The following ARHGEF3 variants were observed in gnomAD, a reference collection of about 807,000 sequenced individuals.
The protein encoded by ARHGEF3 is Rho guanine nucleotide exchange factor 3, also known as 59.8 kDA protein.
ARHGEF3 carries 28 observed loss-of-function variants against 63.2 expected under a neutral mutation model. That is an observed-to-expected ratio of 0.44 (90% confidence interval 0.33 to 0.61). ARHGEF3 has a LOEUF of 0.61. Ranked by LOEUF, ARHGEF3 falls within the 20% of genes least tolerant of loss-of-function variation. ARHGEF3 has a pLI of 0.03. For missense variants in ARHGEF3, 533 were observed against 659.3 expected (o/e 0.81, Z 2.10); for synonymous variants, 266 against 254.2 (o/e 1.05, Z -0.44).
At chr3:57,069,322 T>C (rs1705746414) in intron 1 of ARHGEF3, among the ~76,000 whole-genome samples, 1 of 152,044 alleles carries the variant, frequency 6.6e-6, no homozygotes, top group Non-Finnish European at 1.5e-5. Context: ...TCATGCTTTT[T>C]TAAATTGCTT....
chr3:56,916,136 C>T (rs536646149), intron 3 of ARHGEF3, among the ~76,000 whole-genome samples: 2 of 152,258 alleles, frequency 1.3e-5, no homozygotes, highest in South Asian at 2.1e-4. Flanking sequence ...GAAAGTGAGG[C>T]GGGAATCTGG....
intron 3 of ARHGEF3, among the ~76,000 whole-genome samples, chr3:56,918,840 T>TA (rs1310017082): frequency 6.6e-6 from 1 of 152,248 alleles, no homozygotes; most frequent in Non-Finnish European, 1.5e-5. Flanking sequence ...TTTTACATTT[T>TA]AATAGTAACA....
At chr3:57,045,016 G>A (rs945081450) in intron 1 of ARHGEF3, among the ~76,000 whole-genome samples, 6 of 152,072 alleles carry the variant, frequency 3.9e-5, no homozygotes, top group Non-Finnish European at 5.9e-5. Context: ...CCTGTAATCC[G>A]AGCACTCTGG....
intron 4 of ARHGEF3, among the ~76,000 whole-genome samples, chr3:56,871,932 C>T (rs2040443554): frequency 6.6e-6 from 1 of 152,192 alleles, no homozygotes; most frequent in Non-Finnish European, 1.5e-5. Flanking sequence ...ACTGTCAACA[C>T]AGAAATCACT....
chr3:56,773,941 G>A (rs2036151239), intron 1 of ARHGEF3, 125 bp from the exon 2 acceptor site: 6 of 757,022 alleles, frequency 7.9e-6, no homozygotes, highest in South Asian at 3.8e-5. Context: ...GGAATATAAA[G>A]TGTCACGTCT....
chr3:57,066,303 T>C (rs1705533818), intron 1 of ARHGEF3, among the ~76,000 whole-genome samples: 1 of 151,818 alleles, frequency 6.6e-6, no homozygotes, highest in Admixed American at 6.6e-5. Flanking sequence ...AGTCTGACTC[T>C]GTCACCCAGG....
chr3:56,986,934 G>A (rs781506895), intron 2 of ARHGEF3, among the ~76,000 whole-genome samples: 5 of 152,124 alleles, frequency 3.3e-5, no homozygotes, highest in Admixed American at 6.5e-5. Context: ...TTTGGAGGCC[G>A]GGTGTGATGG....
At chr3:57,079,074 G>A (rs1478403229) in intron 1 of ARHGEF3, 2 of 314,972 alleles carry the variant, frequency 6.3e-6, no homozygotes, top group Non-Finnish European at 1.2e-5. Context: ...AGGTGGGAGT[G>A]GGGGTCCAGC....
chr3:57,041,098 C>T (rs1704169103), intron 1 of ARHGEF3, among the ~76,000 whole-genome samples: 1 of 151,700 alleles, frequency 6.6e-6, no homozygotes, highest in Non-Finnish European at 1.5e-5. Flanking sequence ...CTTATCTCCC[C>T]AAACAAACTG....
chr3:56,973,467 A>G (rs1701006107), intron 2 of ARHGEF3, among the ~76,000 whole-genome samples: 1 of 152,196 alleles, frequency 6.6e-6, no homozygotes, highest in South Asian at 2.1e-4. Context: ...AGATTTGGGG[A>G]CAAAAATCAA....
chr3:56,950,227 C>T (rs1699734197), intron 3 of ARHGEF3, among the ~76,000 whole-genome samples: 2 of 152,030 alleles, frequency 1.3e-5, no homozygotes, highest in Non-Finnish European at 2.9e-5. Context: ...TGGGCAAGGA[C>T]TTCATGTCTA....
intron 2 of ARHGEF3, among the ~76,000 whole-genome samples, chr3:56,989,296 T>G (rs1156994749): frequency 6.6e-6 from 1 of 152,174 alleles, no homozygotes; most frequent in Non-Finnish European, 1.5e-5. Flanking sequence ...GCTTGCGTTT[T>G]TTTTTTGCTG....
At chr3:56,947,246 C>T (rs1467607142) in intron 3 of ARHGEF3, among the ~76,000 whole-genome samples, 1 of 152,194 alleles carries the variant, frequency 6.6e-6, no homozygotes, top group East Asian at 1.9e-4. Flanking sequence ...CAGCTAACAT[C>T]ATGATGAGAG....
intron 1 of ARHGEF3, among the ~76,000 whole-genome samples, chr3:57,066,451 C>T (rs974417870): frequency 3.3e-5 from 5 of 152,060 alleles, no homozygotes; most frequent in East Asian, 3.9e-4. Context: ...TTAGTAGAGA[C>T]GGGGTTTCAC....
upstream of ARHGEF3, among the ~76,000 whole-genome samples, chr3:56,806,066 A>G (rs2037851821): frequency 6.6e-6 from 1 of 152,172 alleles, no homozygotes; most frequent in Admixed American, 6.5e-5. Context: ...TTCCATCAGT[A>G]TATAGGTTAA....
rs759626361 is a variant in ARHGEF3, at chr3:56,755,108, G to A, written c.248C>T (p.Ala83Val). The A allele has an allele frequency of 2.5e-6, 4 of 1,613,980 alleles. No homozygotes were observed. In the Admixed American group the frequency reaches 5.0e-5, roughly 20 times the overall value. ...GGCATTTCTGGACCAGGGTCGGGGG[G>A]CGAGGATGTCAGGGCGGCTCTCACT... The part of the protein sequence containing the change: ...FRSESRPDIL[A>V]PRPWSRNAAP... Residue 83 changes from alanine to valine, a missense_variant, in exon 3 of 10, where the codon GCC becomes GTC. This residue lies in a region of ARHGEF3 where 160 missense variants were observed against 157.3 expected (regional missense o/e 1.02). Transcript: ENST00000296315.
intron 2 of ARHGEF3, among the ~76,000 whole-genome samples, chr3:56,986,899 G>A (rs111588857): frequency 6.6e-5 from 10 of 152,096 alleles, no homozygotes; most frequent in African/African-American, 2.4e-4. Context: ...AATCCTTACT[G>A]CGGGTGAAGT....
intron 4 of ARHGEF3, among the ~76,000 whole-genome samples, chr3:56,821,040 G>C (rs188036239): frequency 2.4e-4 from 37 of 151,980 alleles, no homozygotes; most frequent in Non-Finnish European, 5.0e-4. Context: ...GTGCATGCCT[G>C]TAATCCCAGC....
chr3:56,838,959 C>T (rs200638975), intron 4 of ARHGEF3, among the ~76,000 whole-genome samples: 2 of 134,086 alleles, frequency 1.5e-5, no homozygotes, highest in Admixed American at 7.6e-5. Context: ...GTGAGACCCC[C>T]CTATCTCTAC....
Sources: gnomAD v4.1 joint callset for allele counts (sites outside exome capture counted in the v4.1 genomes callset) on GRCh38, gnomAD v4.1.1 for gene constraint, gnomAD v4.1.1 regional missense constraint, MANE v1.5 for transcripts, NCBI Gene and HGNC (gene_info 2026-07-23, HGNC 2026-07-21) for gene names.